CHCHD3: variants seen among roughly 807,000 people sequenced by gnomAD.
The protein encoded by CHCHD3 is coiled-coil-helix-coiled-coil-helix domain containing 3, also known as MICOS complex subunit MIC19.
Under a neutral mutation model 38.2 loss-of-function variants are expected in CHCHD3, and 20 were observed. The observed-to-expected ratio is 0.52, with a 90% CI of 0.37 to 0.76. The LOEUF (loss-of-function observed/expected upper bound fraction) is 0.76, where lower values mean the gene tolerates loss of function less well. Ranked by LOEUF, CHCHD3 falls within the 30% of genes least tolerant of loss-of-function variation. The pLI is 0.00. For synonymous variants in CHCHD3, 82 were observed against 100.0 expected (o/e 0.82, Z 1.07); for missense variants, 245 against 279.2 (o/e 0.88, Z 0.87).
At chr7:133,047,950 TGG>T (rs1183084665) in intron 2 of CHCHD3, among the ~76,000 whole-genome samples, 6 of 151,956 alleles carry the variant, frequency 3.9e-5, no homozygotes, top group African/African-American at 1.2e-4. Flanking sequence ...TAGCCAAGTG[TGG>T]TGGCACATGC....
At chr7:132,967,767 C>A (rs578174131) in intron 4 of CHCHD3, among the ~76,000 whole-genome samples, 1 of 150,500 alleles carries the variant, frequency 6.6e-6, no homozygotes, top group Non-Finnish European at 1.5e-5. Flanking sequence ...GAGGTCAAGG[C>A]TGCAATGAGC....
intron 4 of CHCHD3, among the ~76,000 whole-genome samples, chr7:132,921,622 GAC>G (rs34322914): frequency 1.4e-5 from 2 of 139,952 alleles, no homozygotes; most frequent in Admixed American, 1.5e-4. Context: ...AGAAATATAT[GAC>G]ACACACAACA....
chr7:133,050,172 C>T (rs1458691004), intron 2 of CHCHD3, among the ~76,000 whole-genome samples: 2 of 151,498 alleles, frequency 1.3e-5, no homozygotes, highest in Admixed American at 1.3e-4. Flanking sequence ...CATGGTGAAA[C>T]CCTGTCTCTA....
At chr7:132,926,207 T>G (rs1486353184) in intron 4 of CHCHD3, among the ~76,000 whole-genome samples, 1 of 152,182 alleles carries the variant, frequency 6.6e-6, no homozygotes, top group Non-Finnish European at 1.5e-5. Context: ...GCCAGAACAA[T>G]GTCCAAGACA....
intron 4 of CHCHD3, among the ~76,000 whole-genome samples, chr7:132,919,883 A>G (rs576438608): frequency 6.6e-6 from 1 of 152,300 alleles, no homozygotes; most frequent in East Asian, 1.9e-4. Flanking sequence ...GTCTGACAAA[A>G]AATCTGATGC....
intron 4 of CHCHD3, among the ~76,000 whole-genome samples, chr7:132,901,186 T>G (rs1281608277): frequency 1.3e-5 from 2 of 152,242 alleles, no homozygotes; most frequent in African/African-American, 2.4e-5. Flanking sequence ...CTTCAGCCTC[T>G]GTACAAAGCC....
chr7:132,881,648 T>C (rs947883614), intron 5 of CHCHD3, among the ~76,000 whole-genome samples: 1 of 152,216 alleles, frequency 6.6e-6, no homozygotes, highest in Non-Finnish European at 1.5e-5. Flanking sequence ...TATGTGCTTA[T>C]GTCCACTTTT....
intron 7 of CHCHD3, among the ~76,000 whole-genome samples, chr7:132,792,548 G>A (rs1000099490): frequency 7.2e-5 from 11 of 152,136 alleles, no homozygotes; most frequent in South Asian, 2.1e-4. Context: ...TTTAAGAGGC[G>A]AAGGCACAAA....
At chr7:132,972,627 G>A in intron 4 of CHCHD3, 27 of 985,420 alleles carry the variant, frequency 2.7e-5, no homozygotes, top group South Asian at 4.7e-5. Context: ...GTCACTGGCA[G>A]CCATGTTGCT....
chr7:132,896,207 G>A (rs543413630), intron 4 of CHCHD3, among the ~76,000 whole-genome samples: 6 of 152,212 alleles, frequency 3.9e-5, no homozygotes, highest in African/African-American at 1.2e-4. Flanking sequence ...ACAAAAGCTC[G>A]TTCTTTTCTA....
In CHCHD3 at chr7:132,791,993, C is replaced by T. The variant is rs556186379; in HGVS notation, c.660+4449G>A. 7.9e-5 allele frequency among the ~76,000 whole-genome samples: 12 copies of T among 152,264 alleles called. No individual in the cohort carries two copies. In the East Asian group the frequency reaches 9.6e-4, roughly 12 times the overall value. Reference sequence around the variant, plus strand: ...TATTGTGAGCTGAACTAACTGTTTGCGTGGCTACTGTCCCACTGCCTGCTT... The same window carrying T: ...TATTGTGAGCTGAACTAACTGTTTGTGTGGCTACTGTCCCACTGCCTGCTT... On this transcript the variant is annotated intron_variant, in intron 7 of 7. Transcript: ENST00000262570.
At chr7:132,926,972 A>T (rs1276583181) in intron 4 of CHCHD3, among the ~76,000 whole-genome samples, 1 of 152,234 alleles carries the variant, frequency 6.6e-6, no homozygotes, top group East Asian at 1.9e-4. Context: ...GTTTACCAAG[A>T]ATCTCTACTG....
At chr7:132,989,224 A>G (rs894415402) in intron 3 of CHCHD3, among the ~76,000 whole-genome samples, 3 of 152,186 alleles carry the variant, frequency 2.0e-5, no homozygotes, top group Admixed American at 6.5e-5. Flanking sequence ...CCAAGAGGAC[A>G]TTTATTTTGG....
At chr7:133,045,052 C>T (rs1020408234) in intron 2 of CHCHD3, among the ~76,000 whole-genome samples, 5 of 152,208 alleles carry the variant, frequency 3.3e-5, no homozygotes, top group African/African-American at 9.6e-5. Context: ...TTCCTGTCAA[C>T]AGCATCCGAG....
chr7:132,869,508 T>G (rs1418219255), intron 5 of CHCHD3, among the ~76,000 whole-genome samples: 1 of 152,174 alleles, frequency 6.6e-6, no homozygotes, highest in East Asian at 1.9e-4. Context: ...CACTAAATTA[T>G]CAGACTTCTA....
At chr7:132,845,530 T>G (rs1191335490) in intron 5 of CHCHD3, among the ~76,000 whole-genome samples, 1 of 152,132 alleles carries the variant, frequency 6.6e-6, no homozygotes, top group Non-Finnish European at 1.5e-5. Flanking sequence ...GCTACGGAAT[T>G]AACTAACCAG....
chr7:132,853,063 TAC>T (rs543478341), intron 5 of CHCHD3, among the ~76,000 whole-genome samples: 39 of 152,240 alleles, frequency 2.6e-4, no homozygotes, highest in African/African-American at 6.5e-4. Context: ...TCAAAAGTAA[TAC>T]CTTTCCAGCA....
intron 4 of CHCHD3, among the ~76,000 whole-genome samples, chr7:132,887,158 C>T (rs1030385964): frequency 2.0e-5 from 3 of 151,798 alleles, no homozygotes; most frequent in Non-Finnish European, 4.4e-5. Context: ...ATTTTAATGT[C>T]ACTATGCTGT....
chr7:132,973,951 G>A, intron 4 of CHCHD3: 2 of 1,285,388 alleles, frequency 1.6e-6, no homozygotes, highest in Non-Finnish European at 2.0e-6. Flanking sequence ...GTAACATCTG[G>A]GTTTCTAGGA....
Sources: allele counts gnomAD v4.1 joint callset (sites outside exome capture counted in the v4.1 genomes callset), GRCh38; gene constraint gnomAD v4.1.1; transcripts MANE v1.5; gene names NCBI Gene and HGNC (gene_info 2026-07-23, HGNC 2026-07-21).